The following STXBP5L variants were observed in gnomAD, a reference collection of about 807,000 sequenced individuals.
The protein encoded by STXBP5L is syntaxin binding protein 5L.
STXBP5L carries 65 observed loss-of-function variants against 144.5 expected under a neutral mutation model. The observed-to-expected ratio is 0.45, with a 90% CI of 0.37 to 0.55. The LOEUF is 0.55. Among genes scored for constraint, STXBP5L ranks in the 20% least tolerant of loss-of-function variants. The pLI, the probability that STXBP5L is intolerant of heterozygous loss-of-function variation, is 0.00. For missense variants in STXBP5L, 1,298 were observed against 1,405.5 expected, an observed-to-expected ratio of 0.92 and a Z score of 1.22; for synonymous variants, 505 against 469.6, an observed-to-expected ratio of 1.08 and a Z score of -0.97.
intron 20 of STXBP5L, among the ~76,000 whole-genome samples, chr3:121,328,987 C>G (rs986092998): frequency 2.0e-5 from 3 of 151,578 alleles, no homozygotes; most frequent in Admixed American, 6.6e-5. Context: ...TCATAATCAC[C>G]TTAAAAAGCC....
chr3:121,222,084 A>T (rs2048990476), intron 10 of STXBP5L, among the ~76,000 whole-genome samples: 1 of 152,064 alleles, frequency 6.6e-6, no homozygotes, highest in Non-Finnish European at 1.5e-5. Context: ...TTGATACAAT[A>T]AAAGCCTCTA....
At chr3:120,968,957 GGTTA>G (rs770862028) in intron 3 of STXBP5L, among the ~76,000 whole-genome samples, 1 of 151,982 alleles carries the variant, frequency 6.6e-6, no homozygotes, top group Non-Finnish European at 1.5e-5. Context: ...TAGACACTTA[GGTTA>G]GTTCCATATC....
intron 6 of STXBP5L, among the ~76,000 whole-genome samples, chr3:121,117,498 G>A (rs1387773448): frequency 6.6e-6 from 1 of 151,606 alleles, no homozygotes; most frequent in East Asian, 1.9e-4. Context: ...TCTACCTCTT[G>A]AGATACATTA....
At chr3:121,090,824 A>T (rs1323453540) in intron 5 of STXBP5L, among the ~76,000 whole-genome samples, 9 of 152,026 alleles carry the variant, frequency 5.9e-5, no homozygotes, top group Admixed American at 4.6e-4. Context: ...CATGTGCACA[A>T]CGTGCAGGTT....
intron 5 of STXBP5L, among the ~76,000 whole-genome samples, chr3:121,057,037 A>C (rs543271102): frequency 6.6e-6 from 1 of 151,328 alleles, no homozygotes; most frequent in Admixed American, 6.6e-5. Context: ...CAAATTAGCA[A>C]GATCTTTAGA....
intron 9 of STXBP5L, among the ~76,000 whole-genome samples, chr3:121,199,561 G>C (rs1444654318): frequency 1.3e-5 from 2 of 152,142 alleles, no homozygotes; most frequent in African/African-American, 4.8e-5. Context: ...TCTTGTGCCA[G>C]TTTTCAAAGG....
At chr3:121,207,106 T>C (rs999536939) in intron 10 of STXBP5L, among the ~76,000 whole-genome samples, 1 of 152,190 alleles carries the variant, frequency 6.6e-6, no homozygotes, top group African/African-American at 2.4e-5. Context: ...TATATAGATA[T>C]CTCTTTAGCC....
chr3:121,109,813 T>C (rs1335687801), intron 5 of STXBP5L, among the ~76,000 whole-genome samples: 1 of 152,194 alleles, frequency 6.6e-6, no homozygotes, highest in East Asian at 1.9e-4. Flanking sequence ...CAGTGAAATA[T>C]TAAAGTTTCC....
intron 3 of STXBP5L, among the ~76,000 whole-genome samples, chr3:120,974,344 T>C (rs1940668249): frequency 1.3e-5 from 2 of 152,246 alleles, no homozygotes; most frequent in South Asian, 2.1e-4. Flanking sequence ...TGTCTTCTTT[T>C]GAGAAGTGTC....
intron 22 of STXBP5L, among the ~76,000 whole-genome samples, chr3:121,381,903 T>A (rs961969498): frequency 1.1e-4 from 16 of 152,130 alleles, no homozygotes; most frequent in African/African-American, 3.4e-4. Context: ...TTTTACATCA[T>A]CCTTGAAGAA....
chr3:121,324,640 T>A (rs1168515599), intron 20 of STXBP5L: 1 of 637,738 alleles, frequency 1.6e-6, no homozygotes, highest in South Asian at 1.8e-5. Flanking sequence ...TCTTCACAAT[T>A]TTCTAGGCTT....
At chr3:121,081,480 A>G (rs1003446577) in intron 5 of STXBP5L, among the ~76,000 whole-genome samples, 2 of 152,016 alleles carry the variant, frequency 1.3e-5, no homozygotes, top group African/African-American at 2.4e-5. Flanking sequence ...TTACTTAGTT[A>G]TAGTCTTTGT....
At chr3:121,330,553 G>A (rs973418110) in intron 20 of STXBP5L, among the ~76,000 whole-genome samples, 1 of 152,080 alleles carries the variant, frequency 6.6e-6, no homozygotes, top group Non-Finnish European at 1.5e-5. Context: ...TGAGACAGTA[G>A]GGTACCTTTC....
chr3:121,027,823 T>G (rs984910283), intron 3 of STXBP5L, among the ~76,000 whole-genome samples: 4 of 152,076 alleles, frequency 2.6e-5, no homozygotes, highest in African/African-American at 9.7e-5. Flanking sequence ...GACATGGACA[T>G]CTTCAGGGCT....
chr3:121,300,701 A>G (rs1026530521), intron 19 of STXBP5L, among the ~76,000 whole-genome samples: 2 of 152,138 alleles, frequency 1.3e-5, no homozygotes, highest in African/African-American at 4.8e-5. Context: ...TATTTTCTCA[A>G]AAGACAGAAA....
chr3:121,282,766 C>T (rs2051103078), intron 19 of STXBP5L, among the ~76,000 whole-genome samples: 1 of 151,938 alleles, frequency 6.6e-6, no homozygotes, highest in South Asian at 2.1e-4. Context: ...ACAATATTTG[C>T]TTCTTTTAAA....
chr3:121,096,552 C>G (rs892308360), intron 5 of STXBP5L, among the ~76,000 whole-genome samples: 7 of 152,064 alleles, frequency 4.6e-5, no homozygotes, highest in Non-Finnish European at 1.0e-4. Context: ...AGTGGATGTG[C>G]TATTCGTTTC....
chr3:121,370,654 A>G (rs2046002938), intron 20 of STXBP5L, among the ~76,000 whole-genome samples: 1 of 152,178 alleles, frequency 6.6e-6, no homozygotes, highest in Non-Finnish European at 1.5e-5. Context: ...TGAGTCATAG[A>G]TTCAGTCTCT....
chr3:121,010,832 A>C (rs976732602), intron 3 of STXBP5L, among the ~76,000 whole-genome samples: 1 of 151,748 alleles, frequency 6.6e-6, no homozygotes, highest in Admixed American at 6.6e-5. Flanking sequence ...AAGGGTCTTC[A>C]TCCTTGTTAT....
Sources: allele counts gnomAD v4.1 joint callset (sites outside exome capture counted in the v4.1 genomes callset), GRCh38; gene constraint gnomAD v4.1.1; transcripts MANE v1.5; gene names NCBI Gene and HGNC (gene_info 2026-07-23, HGNC 2026-07-21).